Variants in KIF18B observed in about 807,000 individuals in gnomAD.
KIF18B encodes the protein kinesin family member 18B.
A neutral mutation model predicts 80.9 loss-of-function variants in KIF18B; 49 were observed. The ratio of observed to expected loss-of-function variants is 0.61; its 90% CI spans 0.48 to 0.77. The LOEUF is 0.77. Ranked by LOEUF, KIF18B falls within the 30% of genes least tolerant of loss-of-function variation. The pLI, the probability that KIF18B is intolerant of heterozygous loss-of-function variation, is 0.00. For missense variants in KIF18B, 994 were observed against 1,127.7 expected, an observed-to-expected ratio of 0.88 and a Z score of 1.70; for synonymous variants, 439 against 463.9, an observed-to-expected ratio of 0.95 and a Z score of 0.69.
chr17:44,944,259 GA>G (rs2052470647), intron 1 of KIF18B, among the ~76,000 whole-genome samples: 1 of 150,236 alleles, frequency 6.7e-6, no homozygotes, highest in Non-Finnish European at 1.5e-5. Context: ...TCTTTTTTGA[GA>G]TGGAGTTTTG....
chr17:44,932,178 CTG>C lies in KIF18B; in HGVS notation c.1265_1266del (p.Ala422GlyfsTer3). ...CTCTCCTCTTGAAGGGCTCTAGGCC[CTG>C]CAGGGAGCTCTGGGGTGCAGGGCTG... ...EHQPCTPELP[A>X]GPRALQEESL... On this transcript the variant is annotated frameshift_variant, in exon 10 of 16. Transcript: ENST00000593135. LOFTEE classifies it high-confidence loss of function. The C allele has an allele frequency of 6.2e-7, 1 of 1,611,370 alleles. No homozygotes were observed. Among genetic ancestry groups the C allele is most frequent in the Non-Finnish European group, 8.5e-7 (1 of 1,178,528 alleles).
chr17:44,933,285 A>G (rs1007864611), intron 7 of KIF18B, among the ~76,000 whole-genome samples: 1 of 152,012 alleles, frequency 6.6e-6, no homozygotes, highest in African/African-American at 2.4e-5. Context: ...GATGTGGCAG[A>G]AAGCATATAT....
In KIF18B at chr17:44,929,173, T is replaced by C. The variant is rs967027832; in HGVS notation, c.1518-149A>G. The stretch of plus-strand genomic sequence containing the variant: ...CCCTCCTGCCTCACCCCAGACAGGC[T>C]AGCCAGACTCACCACCCTCTCAGCC... On this transcript the variant is annotated intron_variant, in intron 11 of 15. Coordinates refer to ENST00000593135, the MANE Select transcript of KIF18B (RefSeq NM_001265577.2). The C allele has an allele frequency of 2.1e-5, 15 of 701,958 alleles. No homozygotes were observed. The African/African-American group carries it at 2.3e-4, about 11-fold the overall frequency. The allele number at this position is 701,958 out of a possible 1,614,324, so 43.5% of individuals were successfully genotyped here.
intron 1 of KIF18B, among the ~76,000 whole-genome samples, chr17:44,944,822 T>C (rs899504515): frequency 9.9e-5 from 15 of 152,212 alleles, no homozygotes; most frequent in Non-Finnish European, 1.9e-4. Context: ...AGTTGTTTTT[T>C]CCTAGAAAAT....
Position 44,937,214 on chromosome 17 carries a change from AT to A in KIF18B, c.-14-857del, listed in dbSNP as rs1427885956. 9.3e-4 allele frequency among the ~76,000 whole-genome samples: 141 copies of A among 152,158 alleles called. 3 individuals are homozygous for A. The South Asian group carries it at 0.028, about 31-fold the overall frequency. On this transcript the variant is annotated intron_variant, in intron 1 of 15. Coordinates refer to ENST00000593135, the MANE Select transcript of KIF18B (RefSeq NM_001265577.2). The stretch of plus-strand genomic sequence containing the variant: ...ACTTGATTTTAAGAAAATTTTATCA[AT>A]TCTACCCCCAACCTAGAGCCCTCTC...
chr17:44,946,006 G>C (rs2052506040), intron 1 of KIF18B, among the ~76,000 whole-genome samples: 1 of 150,986 alleles, frequency 6.6e-6, no homozygotes, highest in Middle Eastern at 3.4e-3. Context: ...AATAGCTTGA[G>C]GTCAGGAGTT....
rs1179981968 is a variant in KIF18B, at chr17:44,926,456, T to C, written c.2410A>G (p.Ser804Gly). 6.3e-7 allele frequency: 1 copy of C among 1,588,524 alleles called. No individual in the cohort carries two copies. The highest frequency in any genetic ancestry group is 1.3e-5 in the African/African-American group (1 of 74,500). ...HGRSRIARLPSSTLKRPAGPL... is the reference protein window; with the variant it reads ...HGRSRIARLPGSTLKRPAGPL... ...CCAGCTGGCCTCTTCAAAGTGCTGC[T>C]GGGGAGGCGGGCGATGCGGCTGCGG... Residue 804 changes from serine (S) to glycine (G), a missense_variant, in exon 15 of 16, where the codon AGC (serine) becomes GGC (glycine). Transcript: ENST00000593135.
intron 8 of KIF18B, 61 bp downstream of exon 8, chr17:44,932,851 C>A (rs1192280253): frequency 3.2e-6 from 5 of 1,580,302 alleles, no homozygotes; most frequent in Non-Finnish European, 3.5e-6. Flanking sequence ...CCCCGCCACA[C>A]CCTCAAGCTC....
chr17:44,932,121 T>C lies in KIF18B; in HGVS notation c.1324A>G (p.Met442Val), dbSNP rs1225162438. The change falls in exon 10 of 16, where the codon ATG becomes GTG. Residue 442 changes from methionine to valine, a missense_variant. Transcript: ENST00000593135. ...LGMEAQVERA[M>V]EGNSSDQEQS... Reference sequence around the variant, plus strand: ...TCCTGGTCTGAAGAGTTCCCTTCCATGGCCCTCTCCACCTGGGCCTCCATC... The same window carrying C: ...TCCTGGTCTGAAGAGTTCCCTTCCACGGCCCTCTCCACCTGGGCCTCCATC... 1 of 1,613,856 alleles carries C rather than the reference T, an allele frequency of 6.2e-7. No homozygotes were observed. Among genetic ancestry groups the C allele is most frequent in the South Asian group, 1.1e-5 (1 of 91,060 alleles).
chr17:44,934,105 G>A lies in KIF18B; in HGVS notation c.886-6C>T. The A allele has an allele frequency of 1.2e-6, 2 of 1,612,012 alleles. No homozygotes were observed. Among genetic ancestry groups the A allele is most frequent in the African/African-American group, 1.3e-5 (1 of 75,028 alleles). Reference sequence around the variant, plus strand: ...GGCACATGGGTCTTGCGGCCCTGGGGGGCAGTAAGCAGGTGTGGGGTGAGG... The same window carrying A: ...GGCACATGGGTCTTGCGGCCCTGGGAGGCAGTAAGCAGGTGTGGGGTGAGG... On this transcript the variant is annotated splice_region_variant and splice_polypyrimidine_tract_variant and intron_variant, in intron 6 of 15. Transcript: ENST00000593135. This position sits in a 1 kb window ranked among gnomAD's most constrained non-coding sequence, Gnocchi z 5.4.
chr17:44,926,610 C>T (rs775974061), intron 14 of KIF18B, 111 bp from the exon 15 acceptor site: 51 of 1,088,258 alleles, frequency 4.7e-5, no homozygotes, highest in Non-Finnish European at 6.4e-5. Context: ...AGAGCAAAGG[C>T]TGCTGGGCAC....
rs576337706 is a variant in KIF18B, at chr17:44,925,012, C to G, written c.*1068G>C. The G allele has an allele frequency of 6.6e-6, 1 of 152,084 alleles. No individual in the cohort carries two copies. The highest frequency in any genetic ancestry group is 1.5e-5 in the Non-Finnish European group (1 of 68,028). 9.4% of individuals were successfully genotyped at this position (152,084 alleles called of 1,614,324 possible). A position where few individuals can be genotyped will look rare whatever the true frequency, so the allele number is the denominator to read the frequency against. On this transcript the variant is annotated 3_prime_UTR_variant, in exon 16 of 16. Transcript: ENST00000593135. ...GGGATGAAGATGTCCCTCTCAGAAA[C>G]CAGGAAGAGCCAAGCCGCGACTCCC...
Position 44,929,006 on chromosome 17 carries a change from C to T in KIF18B, c.1536G>A (p.Leu512=). Residue 512 remains leucine (L), a synonymous_variant, in exon 12 of 16, where the codon CTG becomes CTA. Transcript: ENST00000593135. ...DRSKQLALKV[L]CVAQRQYSLL... ...GGGAGTACTGCCGCTGGGCAACGCACAGCACCTTTAGGGCCAACCTGGAAC... is the reference window on the plus strand; with the variant it reads ...GGGAGTACTGCCGCTGGGCAACGCATAGCACCTTTAGGGCCAACCTGGAAC... 16 of 1,614,022 alleles carry T rather than the reference C, an allele frequency of 9.9e-6. No individual in the cohort carries two copies. The highest frequency in any genetic ancestry group is 2.2e-5 in the East Asian group (1 of 44,882).
chr17:44,932,044 C>T lies in KIF18B; in HGVS notation c.1389+12G>A. 1 of 1,603,690 alleles carries T rather than the reference C, an allele frequency of 6.2e-7. No individual in the cohort carries two copies. The highest frequency in any genetic ancestry group is 1.3e-5 in the African/African-American group (1 of 74,810). ...CCTCCCGATACCCAGGCCTCACACC[C>T]CCAAGTCCTACCTCCTCAGCTGGGC... On this transcript the variant is annotated intron_variant, in intron 10 of 15. Transcript: ENST00000593135.
Position 44,936,598 on chromosome 17 carries a change from CTATATATA to C in KIF18B, c.-14-248_-14-241del, listed in dbSNP as rs1218900628. 3.4e-3 allele frequency among the ~76,000 whole-genome samples: 94 copies of C among 27,840 alleles called. 1 individual carries two copies. The highest frequency in any genetic ancestry group is 7.2e-3 in the African/African-American group (59 of 8,160). The allele number at this position is 27,840 out of a possible 152,430, so 18.3% of individuals were successfully genotyped here. A position where few individuals can be genotyped will look rare whatever the true frequency, so the allele number is the denominator to read the frequency against. ...TCTCTCTCTCTCTCTCTCTCTCTCT[CTATATATA>C]TATATATATATATATATATTTTTTT... On this transcript the variant is annotated intron_variant, in intron 1 of 15. Coordinates refer to ENST00000593135, the MANE Select transcript of KIF18B (RefSeq NM_001265577.2).
At position 44,932,924 on chromosome 17, in the gene KIF18B, C is replaced by T. The variant is rs777004215; in HGVS notation, c.1125G>A (p.Gln375=). 6.2e-7 allele frequency: 1 copy of T among 1,606,142 alleles called. No homozygotes were observed. The highest frequency in any genetic ancestry group is 1.7e-5 in the Admixed American group (1 of 59,790). ...HISQYATICQ[Q]LQAEVAALRK... ...GCGGGCTCCTCACCTCAGCCTGGAG[C>T]TGTTGGCAGATGGTAGCATACTGGC... The change falls in exon 8 of 16, where the codon CAG becomes CAA. Residue 375 remains glutamine (Q), a synonymous_variant. Transcript: ENST00000593135.
chr17:44,929,268 T>C (rs773669385), intron 11 of KIF18B, among the ~76,000 whole-genome samples: 8 of 152,160 alleles, frequency 5.3e-5, no homozygotes, highest in Non-Finnish European at 8.8e-5. Flanking sequence ...GTGGGAGGTG[T>C]CACCCACTAA....
At chr17:44,926,301 T>C (rs2145662128) in intron 15 of KIF18B, 113 bp downstream of exon 15, 2 of 1,568,224 alleles carry the variant, frequency 1.3e-6, no homozygotes, top group Non-Finnish European at 1.7e-6. Context: ...CTGAGATGCT[T>C]GGCAATACCC....
Position 44,933,968 on chromosome 17 carries a change from G to A in KIF18B, c.1017C>T (p.Tyr339=). 6.3e-7 allele frequency: 1 copy of A among 1,595,078 alleles called. No homozygotes were observed. The highest frequency in any genetic ancestry group is 8.5e-7 in the Non-Finnish European group (1 of 1,171,064). ...SPSSLTYEDT[Y]NTLKYADRAK... ...CCCGGTCGGCATATTTGAGGGTGTT[G>A]TACGTGTCCTCGTAGGTCAGGCTGG... The change falls in exon 7 of 16, where the codon TAC becomes TAT. Residue 339 remains tyrosine (Y), a synonymous_variant. Coordinates refer to ENST00000593135, the MANE Select transcript of KIF18B (RefSeq NM_001265577.2).
Sources: allele counts gnomAD v4.1 joint callset (sites outside exome capture counted in the v4.1 genomes callset), GRCh38; gene constraint gnomAD v4.1.1; non-coding constraint Gnocchi (gnomAD v3.1); transcripts MANE v1.5; gene names NCBI Gene and HGNC (gene_info 2026-07-23, HGNC 2026-07-21).